The following BCAT1 variants were observed in gnomAD, a reference collection of about 807,000 sequenced individuals.
BCAT1 encodes branched chain amino acid transaminase 1.
In BCAT1, 48 loss-of-function variants were observed where a neutral mutation model predicts 52.4. That is an observed-to-expected ratio of 0.92 (90% CI 0.73 to 1.16). The LOEUF is 1.16. BCAT1 is among the 50% of genes most tolerant of loss of function. The pLI is 0.00. For synonymous variants in BCAT1, 167 were observed against 161.3 expected (o/e 1.04, Z -0.27); for missense variants, 451 against 457.1 (o/e 0.99, Z 0.12).
intron 10 of BCAT1, 101 bp from the exon 11 acceptor site, chr12:24,818,150 C>CT (rs1939956025): frequency 8.4e-7 from 1 of 1,185,790 alleles, no homozygotes; most frequent in African/African-American, 1.5e-5. Context: ...AAAAGGTTCG[C>CT]TTCTGCTTTG....
At chr12:24,895,636 G>T (rs938685775) in intron 2 of BCAT1, among the ~76,000 whole-genome samples, 9 of 152,074 alleles carry the variant, frequency 5.9e-5, no homozygotes, top group African/African-American at 2.2e-4. Context: ...ACCTGTAACA[G>T]GTTGTGAAGG....
chr12:24,948,442 T>C lies in BCAT1; in HGVS notation c.6+485A>G, dbSNP rs573350734. 3.9e-4 allele frequency among the ~76,000 whole-genome samples: 59 copies of C among 152,320 alleles called. 1 individual carries two copies. The South Asian group carries it at 6.8e-3, about 18-fold the overall frequency. ...CAAAATAAGAGGGGCCTTCTGCTTT[T>C]AACAGTGAAAAGATCGTTCTCCCTC... On this transcript the variant is annotated intron_variant, in intron 1 of 10. Coordinates refer to ENST00000261192, the MANE Select transcript of BCAT1 (RefSeq NM_005504.7).
chr12:24,856,248 C>G (rs564715390), intron 5 of BCAT1, among the ~76,000 whole-genome samples: 4 of 152,268 alleles, frequency 2.6e-5, no homozygotes, highest in Admixed American at 6.5e-5. Context: ...GGTGAAATAG[C>G]CTTCACCCTC....
chr12:24,945,092 G>T (rs141479719), intron 1 of BCAT1, among the ~76,000 whole-genome samples: 53 of 152,300 alleles, frequency 3.5e-4, no homozygotes, highest in Middle Eastern at 3.4e-3. Context: ...TCAATTTTTA[G>T]GGGAAAGATA....
At chr12:24,846,054 C>T (rs1941336145) in intron 6 of BCAT1, among the ~76,000 whole-genome samples, 1 of 152,062 alleles carries the variant, frequency 6.6e-6, no homozygotes, top group African/African-American at 2.4e-5. Flanking sequence ...AGAATTCTTA[C>T]AGGATGAATA....
rs1038355592 is a variant in BCAT1, at chr12:24,812,110, C to T, written c.*5898G>A. 3.3e-5 allele frequency: 5 copies of T among 152,032 alleles called. No individual in the cohort carries two copies. The highest frequency in any genetic ancestry group is 1.2e-4 in the African/African-American group (5 of 41,420). 9.4% of individuals were successfully genotyped at this position (152,032 alleles called of 1,614,324 possible). On this transcript the variant is annotated 3_prime_UTR_variant, in exon 11 of 11. Coordinates refer to ENST00000261192, the MANE Select transcript of BCAT1 (RefSeq NM_005504.7). ...GACCTGACTAAAAATCTGCACTCTT[C>T]AAAAACTTATTGATGAAGTACAAAT...
At chr12:24,915,550 C>T (rs1943394042) in intron 1 of BCAT1, among the ~76,000 whole-genome samples, 1 of 152,108 alleles carries the variant, frequency 6.6e-6, no homozygotes, top group Non-Finnish European at 1.5e-5. Flanking sequence ...AAAGTCATGA[C>T]TTTCAATTAA....
chr12:24,812,930 A>T lies in BCAT1; in HGVS notation c.*5078T>A, dbSNP rs1423431139. 6.6e-6 allele frequency: 1 copy of T among 151,994 alleles called. No homozygotes were observed. The highest frequency in any genetic ancestry group is 2.4e-5 in the African/African-American group (1 of 41,436). The allele number at this position is 151,994 out of a possible 1,614,324, so 9.4% of individuals were successfully genotyped here. A position where few individuals can be genotyped will look rare whatever the true frequency, so the allele number is the denominator to read the frequency against. On this transcript the variant is annotated 3_prime_UTR_variant, in exon 11 of 11. Transcript: ENST00000261192. ...CTGAACATCATGCAACTCAAGTTAT[A>T]CGTCTTGTTGATTGGGTCTATTGTA...
chr12:24,935,831 ATCTTTTTCCT>A (rs1943745329), intron 1 of BCAT1, among the ~76,000 whole-genome samples: 2 of 152,160 alleles, frequency 1.3e-5, no homozygotes, highest in Non-Finnish European at 2.9e-5. Flanking sequence ...TATGACAAGG[ATCTTTTTCCT>A]CCAGTTTCCC....
chr12:24,942,003 C>T (rs949772053), intron 1 of BCAT1, among the ~76,000 whole-genome samples: 3 of 152,144 alleles, frequency 2.0e-5, no homozygotes, highest in Non-Finnish European at 4.4e-5. Flanking sequence ...TTTAAACGGT[C>T]TCATGCACTA....
In BCAT1 at chr12:24,818,031, C is replaced by A. The variant is rs751073733; in HGVS notation, c.1138G>T (p.Asp380Tyr). The A allele has an allele frequency of 1.9e-6, 3 of 1,613,056 alleles. No individual in the cohort carries two copies. Among genetic ancestry groups the A allele is most frequent in the South Asian group, 1.1e-5 (1 of 91,038 alleles). Residue 380 changes from aspartate to tyrosine, a missense_variant, in exon 11 of 11, where the codon GAC becomes TAC. Transcript: ENST00000261192. ...TDIQYGREES[D>Y]WTIVLS The stretch of plus-strand genomic sequence containing the variant: ...ATTCAGGATAGCACAATTGTCCAGT[C>A]GCTCTCTTCTCTTCCATACTGCAAC...
In BCAT1 at chr12:24,835,566, TA is replaced by T. The variant is rs1321926396; in HGVS notation, c.903+944del. On this transcript the variant is annotated intron_variant, in intron 8 of 10. Transcript: ENST00000261192. The stretch of plus-strand genomic sequence containing the variant: ...TTAAATTTTATTTTATTTATTTATT[TA>T]TTTATTTATTTATTTATTTATTTAT... Among the ~76,000 whole-genome samples, 7 of 89,270 alleles carry T rather than the reference TA, an allele frequency of 7.8e-5. No individual in the cohort carries two copies. The Admixed American group carries it at 8.5e-4, about 11-fold the overall frequency. 58.6% of individuals were successfully genotyped at this position (89,270 alleles called of 152,430 possible).
intron 5 of BCAT1, among the ~76,000 whole-genome samples, chr12:24,876,260 T>TAAAAAAAAAAAA (rs71448093): frequency 2.7e-5 from 3 of 109,898 alleles, no homozygotes; most frequent in East Asian, 2.6e-4. Flanking sequence ...GAGGGAGATG[T>TAAAAAAAAAAAA]AAAAAAAAAA....
At chr12:24,943,755 C>T (rs529950393) in intron 1 of BCAT1, among the ~76,000 whole-genome samples, 26 of 152,140 alleles carry the variant, frequency 1.7e-4, no homozygotes, top group East Asian at 7.7e-4. Flanking sequence ...GTGGCCGAGG[C>T]GGGCAGATCA....
chr12:24,824,828 C>T (rs908708358), intron 10 of BCAT1, among the ~76,000 whole-genome samples: 7 of 151,994 alleles, frequency 4.6e-5, no homozygotes, highest in Non-Finnish European at 8.8e-5. Flanking sequence ...ATATAATTTA[C>T]CATCTTTACA....
chr12:24,825,463 G>GTTTTTTTTTTTTTTT (rs71448089), intron 10 of BCAT1, among the ~76,000 whole-genome samples: 1 of 147,446 alleles, frequency 6.8e-6, no homozygotes, highest in Non-Finnish European at 1.5e-5. Context: ...GTTATTGCCT[G>GTTTTTTTTTTTTTTT]TTTTTTTTTT....
intron 2 of BCAT1, among the ~76,000 whole-genome samples, chr12:24,898,708 G>C (rs576023390): frequency 6.6e-6 from 1 of 151,462 alleles, no homozygotes; most frequent in East Asian, 1.9e-4. Flanking sequence ...TACAAACAGG[G>C]TTTCACCATG....
chr12:24,918,563 A>G (rs532513145), intron 1 of BCAT1, among the ~76,000 whole-genome samples: 1 of 152,282 alleles, frequency 6.6e-6, no homozygotes, highest in African/African-American at 2.4e-5. Flanking sequence ...CCTATTTATT[A>G]TTAATAATAT....
At chr12:24,933,486 T>C (rs1036919683) in intron 1 of BCAT1, among the ~76,000 whole-genome samples, 10 of 152,096 alleles carry the variant, frequency 6.6e-5, no homozygotes, top group Non-Finnish European at 1.2e-4. Flanking sequence ...AGCTGCAACT[T>C]TACCTGCTCT....
Sources: gnomAD v4.1 joint callset for allele counts (sites outside exome capture counted in the v4.1 genomes callset) on GRCh38, gnomAD v4.1.1 for gene constraint, MANE v1.5 for transcripts, NCBI Gene and HGNC (gene_info 2026-07-23, HGNC 2026-07-21) for gene names.